Variants in ANKS1B observed in about 807,000 individuals in gnomAD.
The protein encoded by ANKS1B is ankyrin repeat and sterile alpha motif domain containing 1B.
Under a neutral mutation model 148.3 loss-of-function variants are expected in ANKS1B, and 36 were observed. The observed-to-expected ratio is 0.24, with a 90% CI of 0.19 to 0.32. The LOEUF is 0.32. Ranked by LOEUF, ANKS1B falls within the 10% of genes least tolerant of loss-of-function variation. The probability of loss-of-function intolerance (pLI) is 1.00; values close to 1 mark genes in which losing one functional copy is unlikely to be tolerated. For synonymous variants in ANKS1B, 542 were observed against 560.8 expected (o/e 0.97, Z 0.47); for missense variants, 1,157 against 1,542.6 (o/e 0.75, Z 4.19).
At chr12:99,185,253 T>C (rs987842421) in intron 14 of ANKS1B, among the ~76,000 whole-genome samples, 2 of 152,186 alleles carry the variant, frequency 1.3e-5, no homozygotes, top group African/African-American at 4.8e-5. Context: ...GCTCAAAAAT[T>C]ATGTATGAGA....
chr12:99,455,183 A>G (rs2095825365), intron 10 of ANKS1B, among the ~76,000 whole-genome samples: 1 of 152,088 alleles, frequency 6.6e-6, no homozygotes, highest in African/African-American at 2.4e-5. Flanking sequence ...AAATTATGTA[A>G]ACACCCAACC....
intron 1 of ANKS1B, among the ~76,000 whole-genome samples, chr12:99,839,025 T>G (rs2085286100): frequency 6.6e-6 from 1 of 152,142 alleles, no homozygotes; most frequent in African/African-American, 2.4e-5. Flanking sequence ...AATAGATCTC[T>G]TCTGATATAT....
intron 9 of ANKS1B, among the ~76,000 whole-genome samples, chr12:99,610,676 C>T (rs1206174536): frequency 6.6e-6 from 1 of 151,954 alleles, no homozygotes; most frequent in Non-Finnish European, 1.5e-5. Context: ...ACTGAGAATG[C>T]CAAAGTACCA....
intron 1 of ANKS1B, among the ~76,000 whole-genome samples, chr12:99,863,722 TA>T (rs66513776): frequency 4.3e-4 from 62 of 142,916 alleles, no homozygotes; most frequent in African/African-American, 1.3e-3. Flanking sequence ...CTCAAAAAAA[TA>T]AAAAAAAAAA....
chr12:98,949,075 C>T (rs2099850146), intron 17 of ANKS1B, among the ~76,000 whole-genome samples: 1 of 150,646 alleles, frequency 6.6e-6, no homozygotes, highest in South Asian at 2.1e-4. Flanking sequence ...GCCTCAGCCT[C>T]CCAAGTAGCT....
chr12:99,318,032 A>G (rs1174810158), intron 12 of ANKS1B, among the ~76,000 whole-genome samples: 1 of 152,188 alleles, frequency 6.6e-6, no homozygotes, highest in East Asian at 1.9e-4. Flanking sequence ...ATCGTGGTGG[A>G]TAAGATTTTT....
At chr12:98,758,780 C>CATT (rs2098327729) in intron 25 of ANKS1B, among the ~76,000 whole-genome samples, 1 of 120,630 alleles carries the variant, frequency 8.3e-6, no homozygotes, top group African/African-American at 3.2e-5. Flanking sequence ...CTTTTCCTTC[C>CATT]TTTTTTTTTT....
chr12:98,763,139 G>A lies in ANKS1B; in HGVS notation c.3579+9903C>T, dbSNP rs759043042. ...CTCAGTGGGGTCTCCAGAAAGAAGCGACATTTCTTTTTAGGCTATATTTTG... is the reference window on the plus strand; with the variant it reads ...CTCAGTGGGGTCTCCAGAAAGAAGCAACATTTCTTTTTAGGCTATATTTTG... On this transcript the variant is annotated intron_variant, in intron 25 of 26. Coordinates refer to ENST00000683438, the MANE Select transcript of ANKS1B (RefSeq NM_001352186.2). Among the ~76,000 whole-genome samples the A allele has an allele frequency of 1.1e-4, 17 of 152,302 alleles. No homozygotes were observed. In the East Asian group the frequency reaches 1.3e-3, roughly 12 times the overall value.
At chr12:99,007,312 AT>A (rs2153394953) in intron 17 of ANKS1B, among the ~76,000 whole-genome samples, 1 of 152,344 alleles carries the variant, frequency 6.6e-6, no homozygotes, top group South Asian at 2.1e-4. Flanking sequence ...GGCAGAAGTG[AT>A]GTCTCTATGG....
At chr12:99,028,871 G>A (rs1195665144) in intron 17 of ANKS1B, among the ~76,000 whole-genome samples, 2 of 152,156 alleles carry the variant, frequency 1.3e-5, no homozygotes, top group Non-Finnish European at 1.5e-5. Flanking sequence ...ATGGTTTTTA[G>A]AAGAAGGAAT....
chr12:99,185,279 G>C lies in ANKS1B; in HGVS notation c.2420-30884C>G, dbSNP rs74956560. ...ATGTATGAGAGGCTTTCCAGTGTAC[G>C]TTGAGCCTCAAAGGAATAAAATAAA... On this transcript the variant is annotated intron_variant, in intron 14 of 26. Coordinates refer to ENST00000683438, the MANE Select transcript of ANKS1B (RefSeq NM_001352186.2). Among the ~76,000 whole-genome samples the C allele has an allele frequency of 4.2e-3, 645 of 152,314 alleles. 27 individuals are homozygous for C. In the East Asian group the frequency reaches 0.088, roughly 21 times the overall value.
At chr12:99,494,935 A>T (rs2152979165) in intron 10 of ANKS1B, among the ~76,000 whole-genome samples, 1 of 152,140 alleles carries the variant, frequency 6.6e-6, no homozygotes, top group South Asian at 2.1e-4. Flanking sequence ...TAATCACCTA[A>T]TGAAGGAAGT....
intron 1 of ANKS1B, among the ~76,000 whole-genome samples, chr12:99,896,614 T>C (rs947817108): frequency 2.0e-5 from 3 of 151,200 alleles, no homozygotes; most frequent in Non-Finnish European, 4.4e-5. Flanking sequence ...GAACCGCCCA[T>C]GACCAAGACT....
Position 99,084,917 on chromosome 12 carries a change from T to C in ANKS1B, c.2625+8A>G, listed in dbSNP as rs1489945928. ...ACACAGGACTAGGGCAATAAAAGTA[T>C]TGCTCACCTTTGGAAGGAGCTGGAT... On this transcript the variant is annotated splice_region_variant and intron_variant, in intron 16 of 26. Transcript: ENST00000683438. The C allele has an allele frequency of 6.2e-6, 10 of 1,602,848 alleles. No individual in the cohort carries two copies. Among genetic ancestry groups the C allele is most frequent in the South Asian group, 2.3e-5 (2 of 88,772 alleles).
At chr12:99,488,805 C>T (rs922381553) in intron 10 of ANKS1B, among the ~76,000 whole-genome samples, 4 of 152,122 alleles carry the variant, frequency 2.6e-5, no homozygotes, top group Non-Finnish European at 5.9e-5. Flanking sequence ...GCACAAGTAA[C>T]GTTTATAATT....
chr12:99,146,573 C>A (rs896012712), intron 15 of ANKS1B, among the ~76,000 whole-genome samples: 88 of 152,074 alleles, frequency 5.8e-4, no homozygotes, highest in African/African-American at 2.0e-3. Context: ...TTGGTTAAAG[C>A]AAAAACACCC....
chr12:99,959,054 CTTTTT>C (rs149006911), intron 1 of ANKS1B, among the ~76,000 whole-genome samples: 11 of 120,984 alleles, frequency 9.1e-5, no homozygotes, highest in Non-Finnish European at 8.4e-5. Flanking sequence ...AAAGAACATG[CTTTTT>C]TTTTTTTTTT....
At chr12:99,970,666 G>A (rs2095547081) in intron 1 of ANKS1B, among the ~76,000 whole-genome samples, 1 of 151,974 alleles carries the variant, frequency 6.6e-6, no homozygotes, top group Non-Finnish European at 1.5e-5. Flanking sequence ...AATACCCCAA[G>A]CTATATTCTA....
intron 8 of ANKS1B, among the ~76,000 whole-genome samples, chr12:99,735,099 A>C (rs2059496447): frequency 6.6e-6 from 1 of 152,140 alleles, no homozygotes; most frequent in Admixed American, 6.5e-5. Flanking sequence ...ATAATCTCTC[A>C]GTTGGACTAT....
Sources: allele counts gnomAD v4.1 joint callset (sites outside exome capture counted in the v4.1 genomes callset), GRCh38; gene constraint gnomAD v4.1.1; transcripts MANE v1.5; gene names NCBI Gene and HGNC (gene_info 2026-07-23, HGNC 2026-07-21).